GPR139: variants seen among roughly 807,000 people sequenced by gnomAD.
The protein encoded by GPR139 is probable G protein-coupled receptor 139.
Under a neutral mutation model 25.8 loss-of-function variants are expected in GPR139, and 12 were observed. That is an observed-to-expected ratio of 0.47 (90% CI 0.30 to 0.75). The LOEUF is 0.75. Ranked by LOEUF, GPR139 falls within the 30% of genes least tolerant of loss-of-function variation. The pLI is 0.07. For synonymous variants in GPR139, 184 were observed against 179.9 expected, an observed-to-expected ratio of 1.02 and a Z score of -0.18; for missense variants, 380 against 450.2, an observed-to-expected ratio of 0.84 and a Z score of 1.41.
intron 1 of GPR139, 99 bp from the exon 2 acceptor site, chr16:20,032,768 A>G: frequency 1.3e-6 from 1 of 776,054 alleles, no homozygotes. Flanking sequence ...ACTCCCATGG[A>G]AGTGAAAATG....
chr16:20,073,384 T>A lies in GPR139; in HGVS notation c.127+106A>T. Reference sequence around the variant, plus strand: ...AGTTGCCCTTAAAGCTTAAACTTTTTCCGAGGGGGCGCCAGGGAACGCACG... The same window carrying A: ...AGTTGCCCTTAAAGCTTAAACTTTTACCGAGGGGGCGCCAGGGAACGCACG... On this transcript the variant is annotated intron_variant, in intron 1 of 1. Transcript: ENST00000570682. The surrounding 1 kb of genome is among the most constrained non-coding windows in gnomAD (Gnocchi z 4.7). 6.6e-7 allele frequency: 1 copy of A among 1,509,072 alleles called. No homozygotes were observed. Among genetic ancestry groups the A allele is most frequent in the Non-Finnish European group, 9.0e-7 (1 of 1,114,032 alleles). The allele number at this position is 1,509,072 out of a possible 1,614,324, so 93.5% of individuals were successfully genotyped here.
rs1367695269 is a variant in GPR139 at position 20,030,256 on chromosome 16, A to G, written c.*1479T>C. ...GTAAAAATCCAGCCTGAGGAACTAA[A>G]TATTCCAGGTGGACTGTCTGCCGTT... On this transcript the variant is annotated 3_prime_UTR_variant, in exon 2 of 2. Coordinates refer to ENST00000570682, the MANE Select transcript of GPR139 (RefSeq NM_001002911.4). 6.6e-6 allele frequency among the ~76,000 whole-genome samples: 1 copy of G among 152,226 alleles called. No homozygotes were observed. The highest frequency in any genetic ancestry group is 1.5e-5 in the Non-Finnish European group (1 of 68,038).
In GPR139 at chr16:20,029,060, A is replaced by T. The variant is rs923831732; in HGVS notation, c.*2675T>A. On this transcript the variant is annotated 3_prime_UTR_variant, in exon 2 of 2. Transcript: ENST00000570682. The stretch of plus-strand genomic sequence containing the variant: ...TAGATAGTTTGAAATAAATTTTAAG[A>T]GATATGAATCAACCTAACCCAATGG... Among the ~76,000 whole-genome samples, 1 of 152,232 alleles carries T rather than the reference A, an allele frequency of 6.6e-6. No homozygotes were observed. Among genetic ancestry groups the T allele is most frequent in the African/African-American group, 2.4e-5 (1 of 41,468 alleles).
intron 1 of GPR139, among the ~76,000 whole-genome samples, chr16:20,045,868 C>T (rs938303094): frequency 2.0e-5 from 3 of 152,206 alleles, no homozygotes; most frequent in African/African-American, 2.4e-5. Context: ...TACTGATTTC[C>T]GGCTAGCGAC....
At chr16:20,060,401 T>C (rs575895099) in intron 1 of GPR139, among the ~76,000 whole-genome samples, 13 of 151,954 alleles carry the variant, frequency 8.6e-5, no homozygotes, top group Non-Finnish European at 1.9e-4. Flanking sequence ...TGTGTGTGTG[T>C]CTCTGCATGT....
intron 1 of GPR139, among the ~76,000 whole-genome samples, chr16:20,053,932 G>A (rs960803053): frequency 1.3e-5 from 2 of 151,904 alleles, no homozygotes; most frequent in African/African-American, 2.4e-5. Flanking sequence ...GTTTTGAGAC[G>A]TGGAGTAATA....
intron 1 of GPR139, among the ~76,000 whole-genome samples, chr16:20,071,405 C>T (rs2057458996): frequency 4.6e-5 from 7 of 152,228 alleles, no homozygotes; most frequent in African/African-American, 1.7e-4. Flanking sequence ...TTGGTCCTTA[C>T]GCATCCATCT....
intron 1 of GPR139, among the ~76,000 whole-genome samples, chr16:20,045,861 T>G (rs2057352652): frequency 1.3e-5 from 2 of 152,336 alleles, no homozygotes; most frequent in South Asian, 4.1e-4. Flanking sequence ...GCCCATCTAC[T>G]GATTTCCGGC....
intron 1 of GPR139, among the ~76,000 whole-genome samples, chr16:20,055,242 GTCTTT>G (rs1295534588): frequency 2.0e-5 from 3 of 152,176 alleles, no homozygotes; most frequent in African/African-American, 7.2e-5. Context: ...AAGGATGATG[GTCTTT>G]TCTTTGCAGG....
chr16:20,033,981 GT>G (rs138930425), intron 1 of GPR139, among the ~76,000 whole-genome samples: 218 of 148,966 alleles, frequency 1.5e-3, no homozygotes, highest in African/African-American at 4.9e-3. Context: ...TTTCTGATCA[GT>G]TTTTTTTTTA....
chr16:20,073,650 C>A lies in GPR139; in HGVS notation c.-34G>T. On this transcript the variant is annotated 5_prime_UTR_variant, in exon 1 of 2. Coordinates refer to ENST00000570682, the MANE Select transcript of GPR139 (RefSeq NM_001002911.4). The surrounding 1 kb of genome is among the most constrained non-coding windows in gnomAD (Gnocchi z 4.7). The stretch of plus-strand genomic sequence containing the variant: ...CCCTCGCTCCCCTTGCCGCTTCGCG[C>A]CCGGCCTGCCAGCCCGACTCTGGTC... 1 of 1,530,352 alleles carries A rather than the reference C, an allele frequency of 6.5e-7. No individual in the cohort carries two copies. The highest frequency in any genetic ancestry group is 1.2e-5 in the South Asian group (1 of 80,756). 94.8% of individuals were successfully genotyped at this position (1,530,352 alleles called of 1,614,324 possible). A position where few individuals can be genotyped will look rare whatever the true frequency, so the allele number is the denominator to read the frequency against.
Position 20,038,325 on chromosome 16 carries a change from A to ATGTGTGTGTG in GPR139, c.128-5657_128-5656insCACACACACA, listed in dbSNP as rs748458775. Among the ~76,000 whole-genome samples the ATGTGTGTGTG allele has an allele frequency of 3.7e-4, 18 of 48,932 alleles. No individual in the cohort carries two copies. In the East Asian group the frequency reaches 7.3e-3, roughly 20 times the overall value. 32.1% of individuals were successfully genotyped at this position (48,932 alleles called of 152,430 possible). ...ACAGGTTTAAGTTCCTGGATAATAT[A>ATGTGTGTGTG]TATATGTGTGTGTGTGTGTGTGTGT... On this transcript the variant is annotated intron_variant, in intron 1 of 1. Coordinates refer to ENST00000570682, the MANE Select transcript of GPR139 (RefSeq NM_001002911.4).
chr16:20,029,759 T>C lies in GPR139; in HGVS notation c.*1976A>G, dbSNP rs955005006. ...ATGAACTTCTTTGAGTGGAAGCATC[T>C]TGATGCACCAGGGTGGTCCTAATGT... On this transcript the variant is annotated 3_prime_UTR_variant, in exon 2 of 2. Transcript: ENST00000570682. Among the ~76,000 whole-genome samples the C allele has an allele frequency of 5.9e-5, 9 of 152,162 alleles. No individual in the cohort carries two copies. Among genetic ancestry groups the C allele is most frequent in the African/African-American group, 2.2e-4 (9 of 41,422 alleles).
intron 1 of GPR139, among the ~76,000 whole-genome samples, chr16:20,055,914 C>T (rs2057387126): frequency 6.6e-6 from 1 of 152,226 alleles, no homozygotes; most frequent in African/African-American, 2.4e-5. Context: ...ATAGCATCTA[C>T]TTCATAGGGT....
intron 1 of GPR139, among the ~76,000 whole-genome samples, chr16:20,070,435 T>G (rs2057455749): frequency 6.6e-6 from 1 of 152,202 alleles, no homozygotes; most frequent in African/African-American, 2.4e-5. Flanking sequence ...TGGGGAAAAT[T>G]ATGATGAAGA....
intron 1 of GPR139, among the ~76,000 whole-genome samples, chr16:20,037,112 G>A (rs1161454138): frequency 3.3e-5 from 5 of 152,150 alleles, no homozygotes; most frequent in Non-Finnish European, 7.4e-5. Flanking sequence ...AGTTTATGGG[G>A]TGGTAACTTT....
intron 1 of GPR139, among the ~76,000 whole-genome samples, chr16:20,056,107 G>T (rs188556189): frequency 6.6e-6 from 1 of 152,322 alleles, no homozygotes; most frequent in East Asian, 1.9e-4. Context: ...GGATGTGGTG[G>T]TGGAAAGGCA....
At position 20,031,994 on chromosome 16, in the gene GPR139, T is replaced by C; in HGVS notation, c.803A>G (p.Asp268Gly). The change falls in exon 2 of 2, where the codon GAC (aspartate) becomes GGC (glycine). Residue 268 changes from aspartate to glycine, a missense_variant. Coordinates refer to ENST00000570682, the MANE Select transcript of GPR139 (RefSeq NM_001002911.4). The part of the protein sequence containing the change: ...QNRWLVHIMS[D>G]IANMLALLNT... ...CAGAAGGGCTAGCATGTTGGCAATG[T>C]CGGACATGATGTGTACCAGCCAGCG... The C allele has an allele frequency of 6.2e-7, 1 of 1,614,150 alleles. No individual in the cohort carries two copies. The highest frequency in any genetic ancestry group is 8.5e-7 in the Non-Finnish European group (1 of 1,180,030).
intron 1 of GPR139, among the ~76,000 whole-genome samples, chr16:20,061,712 C>G (rs1278520526): frequency 1.3e-5 from 2 of 152,206 alleles, no homozygotes; most frequent in Non-Finnish European, 2.9e-5. Flanking sequence ...AATTCCCTCC[C>G]TTTGAATTGT....
Sources: gnomAD v4.1 joint callset for allele counts (sites outside exome capture counted in the v4.1 genomes callset) on GRCh38, gnomAD v4.1.1 for gene constraint, Gnocchi (gnomAD v3.1) non-coding constraint, MANE v1.5 for transcripts, NCBI Gene and HGNC (gene_info 2026-07-23, HGNC 2026-07-21) for gene names.